CKAP2L: variants seen among roughly 807,000 people sequenced by gnomAD.
CKAP2L encodes cytoskeleton-associated protein 2-like.
In CKAP2L, 42 loss-of-function variants were observed where a neutral mutation model predicts 65.7. That is an observed-to-expected ratio of 0.64 (90% CI 0.50 to 0.83). CKAP2L has a LOEUF of 0.83. CKAP2L is among the 40% of genes least tolerant of loss of function. The probability of loss-of-function intolerance (pLI) is 0.00; values close to 1 mark genes in which losing one functional copy is unlikely to be tolerated. For missense variants in CKAP2L, 908 were observed against 871.0 expected (o/e 1.04, Z -0.53); for synonymous variants, 325 against 313.5 (o/e 1.04, Z -0.39).
chr2:112,756,704 G>T lies in CKAP2L; in HGVS notation c.667C>A (p.Pro223Thr). Residue 223 changes from proline to threonine, a missense_variant, in exon 4 of 9, where the codon CCT (proline) becomes ACT (threonine). Transcript: ENST00000302450. ...GAACTTTTGCCCAAGGCTTGTTTAG[G>T]AACTAAACTGTTCTTGGTTTGATTA... ...SYNQTKNSLVPKQALGKSSVN... is the reference protein window; with the variant it reads ...SYNQTKNSLVTKQALGKSSVN... The T allele has an allele frequency of 6.3e-7, 1 of 1,593,262 alleles. No individual in the cohort carries two copies. Among genetic ancestry groups the T allele is most frequent in the Non-Finnish European group, 8.5e-7 (1 of 1,172,596 alleles).
intron 1 of CKAP2L, 112 bp downstream of exon 1, chr2:112,764,450 T>C: frequency 8.2e-7 from 1 of 1,213,506 alleles, no homozygotes; most frequent in South Asian, 1.2e-5. Flanking sequence ...AGGGGAAACT[T>C]AGGCAGGCGA....
rs747594129 is a variant in CKAP2L, at chr2:112,756,346, C to A, written c.1025G>T (p.Gly342Val). The change falls in exon 4 of 9, where the codon GGT becomes GTT. Residue 342 changes from glycine to valine, a missense_variant. Transcript: ENST00000302450. The part of the protein sequence containing the change: ...KPRTYPSLLQ[G>V]EYNNRHPNIK... ...GTTTGGATGTCTGTTGTTATATTCA[C>A]CCTGAAGCAAACTGGGGTATGTTCT... 6.2e-7 allele frequency: 1 copy of A among 1,613,552 alleles called. No homozygotes were observed. Among genetic ancestry groups the A allele is most frequent in the Non-Finnish European group, 8.5e-7 (1 of 1,179,734 alleles).
At position 112,752,368 on chromosome 2, in the gene CKAP2L, A is replaced by G; in HGVS notation, c.1501T>C (p.Trp501Arg). ...TCCTCTTCTTTTTCAATGCTCTTCC[A>G]GAATGAAATATTCATTTCCTTTATT... ...KVIKEMNISF[W>R]KSIEKEEEEK... Residue 501 changes from tryptophan (W) to arginine (R), a missense_variant, in exon 5 of 9, where the codon TGG becomes CGG. Coordinates refer to ENST00000302450, the MANE Select transcript of CKAP2L (RefSeq NM_152515.5). 1 of 1,612,856 alleles carries G rather than the reference A, an allele frequency of 6.2e-7. No individual in the cohort carries two copies. The highest frequency in any genetic ancestry group is 8.5e-7 in the Non-Finnish European group (1 of 1,178,922).
chr2:112,756,972 T>A lies in CKAP2L; in HGVS notation c.399A>T (p.Glu133Asp), dbSNP rs1163384627. 1 of 1,614,256 alleles carries A rather than the reference T, an allele frequency of 6.2e-7. No individual in the cohort carries two copies. Among genetic ancestry groups the A allele is most frequent in the South Asian group, 1.1e-5 (1 of 91,088 alleles). Residue 133 changes from glutamate (E) to aspartate (D), a missense_variant, in exon 4 of 9, where the codon GAA becomes GAT. Physicochemically the swap from Glu to Asp is conservative, Grantham distance 45. Transcript: ENST00000302450. ...QCEAGSSTTG[E>D]LSRKPVGSLN... is the part of the protein sequence containing the mutation. ...GTGACCCCACAGGTTTTCTTGACAG[T>A]TCTCCTGTTGTGGACGATCCAGCTT...
rs1680057304 is a variant in CKAP2L, at chr2:112,742,765, AT to A, written c.1762del (p.Ile588TyrfsTer27). On this transcript the variant is annotated frameshift_variant, in exon 7 of 9. Transcript: ENST00000302450. LOFTEE classifies it high-confidence loss of function. ...AAGAACAACTTTCCGCAACTCTTGT[AT>A]TGGCTGGAAGGAAGGAAGAAAACAT... The part of the protein sequence containing the change: ...EEAIKNGATP[I>X]QELRKVVLNI... 6.2e-7 allele frequency: 1 copy of A among 1,607,782 alleles called. No individual in the cohort carries two copies. Among genetic ancestry groups the A allele is most frequent in the African/African-American group, 1.3e-5 (1 of 74,768 alleles).
At chr2:112,742,275 C>T (rs1347096568) in intron 7 of CKAP2L, 2 of 673,868 alleles carry the variant, frequency 3.0e-6, no homozygotes, top group African/African-American at 1.8e-5. Context: ...GTTATGACCA[C>T]TGACAGTGAT....
In CKAP2L at chr2:112,760,700, A is replaced by G. The variant is rs368440777; in HGVS notation, c.156+13T>C. 2 of 1,376,688 alleles carry G rather than the reference A, an allele frequency of 1.5e-6. No individual in the cohort carries two copies. The highest frequency in any genetic ancestry group is 2.0e-6 in the Non-Finnish European group (2 of 984,656). The allele number at this position is 1,376,688 out of a possible 1,614,324, so 85.3% of individuals were successfully genotyped here. A position where few individuals can be genotyped will look rare whatever the true frequency, so the allele number is the denominator to read the frequency against. ...ATGAATGCATATTTTTAAAAAGACT[A>G]ATTTCTACTTACAGATTTAGAAGGT... On this transcript the variant is annotated intron_variant, in intron 3 of 8. Transcript: ENST00000302450.
intron 5 of CKAP2L, among the ~76,000 whole-genome samples, chr2:112,747,284 T>C (rs2104869606): frequency 6.6e-6 from 1 of 152,248 alleles, no homozygotes; most frequent in South Asian, 2.1e-4. Flanking sequence ...AAGAGTTATA[T>C]GAGACCAAAT....
intron 2 of CKAP2L, among the ~76,000 whole-genome samples, chr2:112,761,111 T>C (rs1227514484): frequency 6.6e-6 from 1 of 152,178 alleles, no homozygotes; most frequent in Non-Finnish European, 1.5e-5. Flanking sequence ...CCTGGAGCAC[T>C]GCAATGTGCC....
chr2:112,758,917 T>C (rs1680627338), intron 3 of CKAP2L, among the ~76,000 whole-genome samples: 1 of 152,208 alleles, frequency 6.6e-6, no homozygotes, highest in African/African-American at 2.4e-5. Context: ...CCTGCAGTTC[T>C]TGGCAACCGC....
At chr2:112,763,214 AG>A (rs1188865897) in intron 1 of CKAP2L, among the ~76,000 whole-genome samples, 1 of 152,198 alleles carries the variant, frequency 6.6e-6, no homozygotes, top group Non-Finnish European at 1.5e-5. Context: ...ACTTGAAAAC[AG>A]GCTTTTCTAA....
At chr2:112,758,140 G>C (rs947685401) in intron 3 of CKAP2L, among the ~76,000 whole-genome samples, 1 of 152,290 alleles carries the variant, frequency 6.6e-6, no homozygotes, top group East Asian at 1.9e-4. Flanking sequence ...TTTAAGGTTA[G>C]AGTCTATGTT....
chr2:112,763,607 A>G, intron 1 of CKAP2L: 1 of 152,140 alleles, frequency 6.6e-6, no homozygotes, highest in East Asian at 1.9e-4. Flanking sequence ...GTTCAGAGGT[A>G]GGGCATAAAT....
chr2:112,764,532 G>C, intron 1 of CKAP2L, 30 bp downstream of exon 1: 1 of 1,613,436 alleles, frequency 6.2e-7, no homozygotes. Flanking sequence ...TCCAACGCCT[G>C]AGAATAACGG....
At chr2:112,739,296 C>G (rs1484819196) in intron 8 of CKAP2L, among the ~76,000 whole-genome samples, 1 of 152,126 alleles carries the variant, frequency 6.6e-6, no homozygotes, top group Non-Finnish European at 1.5e-5. Context: ...TGGCACACAC[C>G]TGTAATCCCA....
intron 4 of CKAP2L, among the ~76,000 whole-genome samples, chr2:112,754,849 C>G (rs1384047849): frequency 6.6e-6 from 1 of 152,190 alleles, no homozygotes; most frequent in Admixed American, 6.5e-5. Flanking sequence ...TCTTTCTGCT[C>G]AGGATTGTTT....
intron 5 of CKAP2L, among the ~76,000 whole-genome samples, chr2:112,748,894 A>G (rs1484627626): frequency 6.6e-6 from 1 of 151,992 alleles, no homozygotes; most frequent in Non-Finnish European, 1.5e-5. Flanking sequence ...GAAAAAAGGA[A>G]CTGCAAGAAG....
chr2:112,749,083 T>C (rs1328287498), intron 5 of CKAP2L, among the ~76,000 whole-genome samples: 3 of 152,180 alleles, frequency 2.0e-5, no homozygotes, highest in African/African-American at 2.4e-5. Flanking sequence ...CAAGTAATCA[T>C]AATAAATGTG....
intron 3 of CKAP2L, among the ~76,000 whole-genome samples, chr2:112,759,726 G>A (rs1011955136): frequency 2.6e-5 from 4 of 152,072 alleles, no homozygotes; most frequent in African/African-American, 9.7e-5. Context: ...CCTTCACAGT[G>A]TCTAATGATG....
Sources: gnomAD v4.1 joint callset for allele counts (sites outside exome capture counted in the v4.1 genomes callset) on GRCh38, gnomAD v4.1.1 for gene constraint, MANE v1.5 for transcripts, NCBI Gene and HGNC (gene_info 2026-07-23, HGNC 2026-07-21) for gene names.